Variants in KCTD16 observed in about 807,000 individuals in gnomAD.
KCTD16 encodes BTB/POZ domain-containing protein KCTD16.
In KCTD16, 13 loss-of-function variants were observed where a neutral mutation model predicts 33.2. The observed-to-expected ratio is 0.39, with a 90% CI of 0.25 to 0.62. The LOEUF (loss-of-function observed/expected upper bound fraction) is 0.62, where lower values mean the gene tolerates loss of function less well. KCTD16 is among the 20% of genes least tolerant of loss of function. The pLI is 0.50. For synonymous variants in KCTD16, 197 were observed against 195.3 expected (o/e 1.01, Z -0.07); for missense variants, 441 against 525.1 (o/e 0.84, Z 1.57).
intron 3 of KCTD16, among the ~76,000 whole-genome samples, chr5:144,464,356 T>G (rs1452414602): frequency 6.6e-6 from 1 of 152,202 alleles, no homozygotes; most frequent in East Asian, 1.9e-4. Flanking sequence ...TAGGAATATT[T>G]ATTTGAAAGC....
At chr5:144,241,107 G>C (rs1409126481) in intron 3 of KCTD16, among the ~76,000 whole-genome samples, 1 of 152,092 alleles carries the variant, frequency 6.6e-6, no homozygotes, top group African/African-American at 2.4e-5. Flanking sequence ...CATGGTGCTT[G>C]AGGTCCTCCT....
chr5:144,195,411 C>G (rs62376819), intron 2 of KCTD16, among the ~76,000 whole-genome samples: 6,673 of 152,254 alleles, frequency 0.044, 421 homozygotes, highest in African/African-American at 0.14. Flanking sequence ...TGCAGTGCAG[C>G]CTGCTTGCTA....
chr5:144,271,711 A>G (rs930148740), intron 3 of KCTD16, among the ~76,000 whole-genome samples: 1 of 152,008 alleles, frequency 6.6e-6, no homozygotes, highest in African/African-American at 2.4e-5. Flanking sequence ...AAGTAAAATT[A>G]TCTCTGTTTA....
chr5:144,249,542 G>A (rs1229523631), intron 3 of KCTD16, among the ~76,000 whole-genome samples: 1 of 152,128 alleles, frequency 6.6e-6, no homozygotes, highest in Non-Finnish European at 1.5e-5. Context: ...GGGGTAGGAA[G>A]GAAAGGAGTT....
At chr5:144,344,124 A>G (rs1477698815) in intron 3 of KCTD16, among the ~76,000 whole-genome samples, 2 of 152,202 alleles carry the variant, frequency 1.3e-5, no homozygotes, top group African/African-American at 4.8e-5. Context: ...TTCCCTATTT[A>G]ATAAATAGTG....
chr5:144,261,794 A>G (rs1263409272), intron 3 of KCTD16, among the ~76,000 whole-genome samples: 2 of 152,138 alleles, frequency 1.3e-5, no homozygotes, highest in African/African-American at 4.8e-5. Flanking sequence ...CCTTCTCCCA[A>G]CCTCATCAAG....
At chr5:144,222,085 AC>A (rs2126804432) in intron 3 of KCTD16, among the ~76,000 whole-genome samples, 1 of 151,798 alleles carries the variant, frequency 6.6e-6, no homozygotes, top group African/African-American at 2.4e-5. Flanking sequence ...GTGTCTGTTC[AC>A]CTTTGCCCAT....
At chr5:144,386,319 A>G (rs556267274) in intron 3 of KCTD16, among the ~76,000 whole-genome samples, 1 of 152,256 alleles carries the variant, frequency 6.6e-6, no homozygotes, top group South Asian at 2.1e-4. Flanking sequence ...ATTCCAGGGA[A>G]CCCCAAATAC....
At chr5:144,181,153 T>C (rs933557011) in intron 2 of KCTD16, among the ~76,000 whole-genome samples, 7 of 151,938 alleles carry the variant, frequency 4.6e-5, no homozygotes, top group Non-Finnish European at 7.4e-5. Context: ...CAGGATGGTC[T>C]CGATCTCCTG....
chr5:144,317,638 G>A (rs1169288167), intron 3 of KCTD16, among the ~76,000 whole-genome samples: 1 of 152,106 alleles, frequency 6.6e-6, no homozygotes, highest in Non-Finnish European at 1.5e-5. Flanking sequence ...ATTTCTTCTA[G>A]GAATGCATAC....
At chr5:144,209,319 G>A (rs926089140) in intron 3 of KCTD16, among the ~76,000 whole-genome samples, 10 of 152,078 alleles carry the variant, frequency 6.6e-5, no homozygotes, top group East Asian at 5.8e-4. Context: ...TGTCCAACAC[G>A]ATTTCCCTTT....
At chr5:144,334,917 C>T (rs1441709084) in intron 3 of KCTD16, among the ~76,000 whole-genome samples, 1 of 152,062 alleles carries the variant, frequency 6.6e-6, no homozygotes, top group Non-Finnish European at 1.5e-5. Context: ...ACTGGGACTA[C>T]CGGCATGTAC....
chr5:144,294,265 A>G (rs1328942608), intron 3 of KCTD16, among the ~76,000 whole-genome samples: 3 of 152,382 alleles, frequency 2.0e-5, no homozygotes, highest in African/African-American at 7.2e-5. Flanking sequence ...AAATGAAAAT[A>G]ATGGTAGAAT....
intron 3 of KCTD16, among the ~76,000 whole-genome samples, chr5:144,288,010 T>A (rs1359578975): frequency 6.6e-6 from 1 of 152,110 alleles, no homozygotes; most frequent in Non-Finnish European, 1.5e-5. Context: ...GAGCATTGAT[T>A]TTTAAACTTT....
chr5:144,271,362 A>G (rs1209994532), intron 3 of KCTD16, among the ~76,000 whole-genome samples: 8 of 152,274 alleles, frequency 5.3e-5, no homozygotes, highest in African/African-American at 1.4e-4. Flanking sequence ...ATGAAAATCA[A>G]TCAATGTCAT....
chr5:144,293,077 C>T lies in KCTD16; in HGVS notation c.832+85531C>T, dbSNP rs115315204. ...AACTTGGTAATTTATCTTTACTGAA[C>T]TTTGCTTCCCTCAGTTCTCACAGCA... On this transcript the variant is annotated intron_variant, in intron 3 of 3. Transcript: ENST00000512467. Among the ~76,000 whole-genome samples the T allele has an allele frequency of 3.3e-3, 499 of 152,324 alleles. 6 individuals are homozygous for T. The highest frequency in any genetic ancestry group is 0.011 in the African/African-American group (470 of 41,560).
At chr5:144,382,972 G>A (rs1752248596) in intron 3 of KCTD16, 1 of 152,132 alleles carries the variant, frequency 6.6e-6, no homozygotes, top group Admixed American at 6.6e-5. Flanking sequence ...CAATCCTCTG[G>A]TAGGGAGCTT....
intron 3 of KCTD16, among the ~76,000 whole-genome samples, chr5:144,212,730 T>G (rs1011125445): frequency 1.3e-5 from 2 of 152,214 alleles, no homozygotes; most frequent in Admixed American, 6.5e-5. Flanking sequence ...GCTCTTTTTC[T>G]TTTGCCTCTG....
chr5:144,442,922 T>C (rs1286640399), intron 3 of KCTD16, among the ~76,000 whole-genome samples: 1 of 152,072 alleles, frequency 6.6e-6, no homozygotes, highest in Non-Finnish European at 1.5e-5. Flanking sequence ...TTTTCCTTTT[T>C]GGCAAGGAAC....
Sources: allele counts gnomAD v4.1 joint callset (sites outside exome capture counted in the v4.1 genomes callset), GRCh38; gene constraint gnomAD v4.1.1; transcripts MANE v1.5; gene names NCBI Gene and HGNC (gene_info 2026-07-23, HGNC 2026-07-21).